Variants in FAM149A observed in about 807,000 individuals in gnomAD.
The protein encoded by FAM149A is family with sequence similarity 149 member A.
In FAM149A, 71 loss-of-function variants were observed where a neutral mutation model predicts 78.2. The observed-to-expected ratio is 0.91, with a 90% CI of 0.75 to 1.11. The LOEUF is 1.11. Among genes scored for constraint, FAM149A ranks in the 50% least tolerant of loss-of-function variants. The pLI is 0.00. For synonymous variants in FAM149A, 446 were observed against 410.5 expected (o/e 1.09, Z -1.04); for missense variants, 1,036 against 971.0 (o/e 1.07, Z -0.89).
chr4:186,140,371 G>A (rs1347161310), intron 1 of FAM149A, among the ~76,000 whole-genome samples: 2 of 151,494 alleles, frequency 1.3e-5, no homozygotes, highest in Non-Finnish European at 2.9e-5. Flanking sequence ...CCATCTCCGG[G>A]GCTCTAAGTG....
chr4:186,153,729 A>AC lies in FAM149A; in HGVS notation c.1022dup (p.Leu342AlafsTer34), dbSNP rs1278523082. 1 of 1,613,662 alleles carries AC rather than the reference A, an allele frequency of 6.2e-7. No homozygotes were observed. The highest frequency in any genetic ancestry group is 1.7e-5 in the Admixed American group (1 of 59,998). On this transcript the variant is annotated frameshift_variant, in exon 5 of 14. Coordinates refer to ENST00000389354, the MANE Select transcript of FAM149A (RefSeq NM_001367768.3). LOFTEE classifies it high-confidence loss of function. ...GCACTCCTGCCTCCGCAGTCCACAG[A>AC]CCCCCGCTCAGTGCCTGCGGACACA... is the stretch of plus-strand genomic sequence containing the variant.
chr4:186,166,649 TAAAAAAA>T (rs76402174), intron 11 of FAM149A, among the ~76,000 whole-genome samples: 2 of 105,034 alleles, frequency 1.9e-5, no homozygotes, highest in Non-Finnish European at 3.7e-5. Flanking sequence ...AGACTCTGTT[TAAAAAAA>T]AAAAAAAAAA....
Position 186,163,647 on chromosome 4 carries a change from C to A in FAM149A, c.1889+14C>A. On this transcript the variant is annotated intron_variant, in intron 10 of 13. Transcript: ENST00000389354. ...GGGAACAAAACTGTGAGTCTCATTT[C>A]TTTCATAGTAAACTAAAGGCCACGG... 1 of 1,602,814 alleles carries A rather than the reference C, an allele frequency of 6.2e-7. No individual in the cohort carries two copies. The highest frequency in any genetic ancestry group is 8.5e-7 in the Non-Finnish European group (1 of 1,171,298).
intron 1 of FAM149A, among the ~76,000 whole-genome samples, chr4:186,139,015 A>G (rs1473751109): frequency 6.6e-6 from 1 of 152,030 alleles, no homozygotes; most frequent in African/African-American, 2.4e-5. Flanking sequence ...CCATTTATTT[A>G]TTTATTTGTT....
At position 186,110,418 on chromosome 4, in the gene FAM149A, A is replaced by T. The variant is rs2099310745; in HGVS notation, c.566+4776A>T. The T allele has an allele frequency of 2.1e-5, 15 of 716,126 alleles. No individual in the cohort carries two copies. In the Admixed American group the frequency reaches 4.5e-4, roughly 21 times the overall value. The allele number at this position is 716,126 out of a possible 1,614,324, so 44.4% of individuals were successfully genotyped here. ...CTTTTTTTTTTTTTATTATACTTTAAGTTTTAGGGTACATGTGCACATTGT... is the reference window on the plus strand; with the variant it reads ...CTTTTTTTTTTTTTATTATACTTTATGTTTTAGGGTACATGTGCACATTGT... On this transcript the variant is annotated intron_variant, in intron 1 of 13. Coordinates refer to ENST00000389354, the MANE Select transcript of FAM149A (RefSeq NM_001367768.3).
At chr4:186,150,587 T>G (rs1304862637) in intron 3 of FAM149A, among the ~76,000 whole-genome samples, 1 of 5,398 alleles carries the variant, frequency 1.9e-4, no homozygotes. Flanking sequence ...GCCCGGCTAA[T>G]TTTTTGTATT....
intron 1 of FAM149A, among the ~76,000 whole-genome samples, chr4:186,128,937 A>C (rs1194721617): frequency 6.7e-6 from 1 of 149,610 alleles, no homozygotes; most frequent in East Asian, 2.0e-4. Context: ...GTGTGTGTGC[A>C]TCTCTGTGTC....
intron 1 of FAM149A, among the ~76,000 whole-genome samples, chr4:186,124,414 C>CCA (rs2099317407): frequency 6.9e-6 from 1 of 144,424 alleles, no homozygotes; most frequent in Non-Finnish European, 1.5e-5. Flanking sequence ...CCTCCCCGCT[C>CCA]CCCCCCACCC....
intron 8 of FAM149A, among the ~76,000 whole-genome samples, chr4:186,162,166 A>T (rs141523403): frequency 2.4e-4 from 37 of 152,344 alleles, no homozygotes; most frequent in African/African-American, 8.2e-4. Context: ...CAACATAAAG[A>T]TGGGGCCATT....
At chr4:186,125,694 A>G (rs762717152) in intron 1 of FAM149A, 1 of 984,560 alleles carries the variant, frequency 1.0e-6, no homozygotes, top group Non-Finnish European at 1.2e-6. Flanking sequence ...GGCTTAATAA[A>G]TGTTGGGGAA....
chr4:186,109,899 G>A lies in FAM149A; in HGVS notation c.566+4257G>A, dbSNP rs2099310491. 4 of 985,138 alleles carry A rather than the reference G, an allele frequency of 4.1e-6. No individual in the cohort carries two copies. The South Asian group carries it at 1.4e-4, about 35-fold the overall frequency. 61.0% of individuals were successfully genotyped at this position (985,138 alleles called of 1,614,324 possible). The stretch of plus-strand genomic sequence containing the variant: ...CCCTGCATGACTTACAGAAGATAAG[G>A]GTTAGTTTAATTAACATTACCACTG... On this transcript the variant is annotated intron_variant, in intron 1 of 13. Transcript: ENST00000389354.
Position 186,105,045 on chromosome 4 carries a change from G to A in FAM149A, c.-32G>A, listed in dbSNP as rs1205562825. 8.7e-6 allele frequency: 11 copies of A among 1,263,468 alleles called. No individual in the cohort carries two copies. Among genetic ancestry groups the A allele is most frequent in the Non-Finnish European group, 1.1e-5 (11 of 977,692 alleles). The allele number at this position is 1,263,468 out of a possible 1,614,324, so 78.3% of individuals were successfully genotyped here. ...ATCTCCGCGGTCTGAACTCTCGGGC[G>A]GCGGCGAGGACGGCGTGTCCACTGT... On this transcript the variant is annotated 5_prime_UTR_variant, in exon 1 of 14. Coordinates refer to ENST00000389354, the MANE Select transcript of FAM149A (RefSeq NM_001367768.3).
At position 186,105,451 on chromosome 4, in the gene FAM149A, C is replaced by A; in HGVS notation, c.375C>A (p.Val125=). ...GCTGCTCCCCTGCTCGCCTGGTGGT[C>A]CCAGCGCGGCCGCCCTCGGGCCCCG... The change falls in exon 1 of 14, where the codon GTC becomes GTA. Residue 125 remains valine, a synonymous_variant. Coordinates refer to ENST00000389354, the MANE Select transcript of FAM149A (RefSeq NM_001367768.3). 1 of 1,214,982 alleles carries A rather than the reference C, an allele frequency of 8.2e-7. No individual in the cohort carries two copies. The highest frequency in any genetic ancestry group is 1.0e-6 in the Non-Finnish European group (1 of 958,360). 75.3% of individuals were successfully genotyped at this position (1,214,982 alleles called of 1,614,324 possible). A position where few individuals can be genotyped will look rare whatever the true frequency, so the allele number is the denominator to read the frequency against.
chr4:186,130,000 C>A (rs1451515081), intron 1 of FAM149A: 1 of 152,038 alleles, frequency 6.6e-6, no homozygotes, highest in Non-Finnish European at 1.5e-5. Context: ...CCAATAACAT[C>A]GTTTCAAAAA....
chr4:186,160,145 TACAC>T lies in FAM149A; in HGVS notation c.1575+2431_1575+2434del, dbSNP rs891721289. Among the ~76,000 whole-genome samples, 28 of 88,114 alleles carry T rather than the reference TACAC, an allele frequency of 3.2e-4. No homozygotes were observed. The East Asian group carries it at 8.8e-3, about 28-fold the overall frequency. 57.8% of individuals were successfully genotyped at this position (88,114 alleles called of 152,430 possible). On this transcript the variant is annotated intron_variant, in intron 8 of 13. Transcript: ENST00000389354. ...CACCACACACCAAACACATACCACATACACACACTACACGCACACACACCACACA... is the reference window on the plus strand; with the variant it reads ...CACCACACACCAAACACATACCACATACACTACACGCACACACACCACACA...
chr4:186,138,916 T>A (rs1327020958), intron 1 of FAM149A, among the ~76,000 whole-genome samples: 1 of 152,158 alleles, frequency 6.6e-6, no homozygotes, highest in Non-Finnish European at 1.5e-5. Context: ...ACTGCACTCT[T>A]GGAGAAGAAG....
chr4:186,169,185 T>G (rs1304918919), intron 13 of FAM149A: 1 of 983,844 alleles, frequency 1.0e-6, no homozygotes. Flanking sequence ...AGTCAGTGTA[T>G]TCTCTTATCA....
At chr4:186,151,360 G>A (rs1229642278) in intron 3 of FAM149A, among the ~76,000 whole-genome samples, 1 of 152,086 alleles carries the variant, frequency 6.6e-6, no homozygotes, top group Non-Finnish European at 1.5e-5. Context: ...TAATACTCAG[G>A]CCTCACCCTA....
chr4:186,107,188 C>A (rs557859013), intron 1 of FAM149A, among the ~76,000 whole-genome samples: 5 of 152,284 alleles, frequency 3.3e-5, no homozygotes, highest in African/African-American at 1.2e-4. Flanking sequence ...ACACACTGAC[C>A]TTAAACTCTA....
Sources: allele counts gnomAD v4.1 joint callset (sites outside exome capture counted in the v4.1 genomes callset), GRCh38; gene constraint gnomAD v4.1.1; transcripts MANE v1.5; gene names NCBI Gene and HGNC (gene_info 2026-07-23, HGNC 2026-07-21).